KCNIP4: variants seen among roughly 807,000 people sequenced by gnomAD.
KCNIP4 encodes the protein potassium voltage-gated channel interacting protein 4.
KCNIP4 carries 12 observed loss-of-function variants against 34.0 expected under a neutral mutation model. The observed-to-expected ratio is 0.35, with a 90% CI of 0.23 to 0.57. KCNIP4 has a LOEUF of 0.57. Ranked by LOEUF, KCNIP4 falls within the 20% of genes least tolerant of loss-of-function variation. The probability of loss-of-function intolerance (pLI) is 0.83; values close to 1 mark genes in which losing one functional copy is unlikely to be tolerated. For synonymous variants in KCNIP4, 124 were observed against 102.2 expected (o/e 1.21, Z -1.29); for missense variants, 238 against 311.7 (o/e 0.76, Z 1.78).
At position 21,048,944 on chromosome 4, in the gene KCNIP4, C is replaced by CTTT. The variant is rs949548104; in HGVS notation, c.62-166238_62-166236dup. ...AGCTCTTTCAGTACCTTCTGTTTAT[C>CTTT]TTTTTTTTTTTTTTTTTTTTTTTTG... On this transcript the variant is annotated intron_variant, in intron 1 of 8. Transcript: ENST00000382152. 9.9e-3 allele frequency among the ~76,000 whole-genome samples: 955 copies of CTTT among 96,030 alleles called. 29 individuals carry two copies. Among genetic ancestry groups the CTTT allele is most frequent in the African/African-American group, 0.026 (623 of 23,768 alleles). The allele number at this position is 96,030 out of a possible 152,430, so 63.0% of individuals were successfully genotyped here.
Position 20,819,487 on chromosome 4 carries a change from C to G in KCNIP4, c.288+31056G>C, listed in dbSNP as rs11734471. The stretch of plus-strand genomic sequence containing the variant: ...GGGGTGGGCAGGGGGGATTTCGGAG[C>G]TATCTGAGACTTGGAATAATAAAAG... On this transcript the variant is annotated intron_variant, in intron 3 of 8. Transcript: ENST00000382152. Among the ~76,000 whole-genome samples, 11 of 151,866 alleles carry G rather than the reference C, an allele frequency of 7.2e-5. 2 individuals carry two copies. The East Asian group carries it at 2.1e-3, about 30-fold the overall frequency.
chr4:21,307,133 C>A (rs941701343), intron 1 of KCNIP4, among the ~76,000 whole-genome samples: 1 of 152,086 alleles, frequency 6.6e-6, no homozygotes, highest in Admixed American at 6.5e-5. Flanking sequence ...CCGTGCCGGG[C>A]CGGCAGGAAC....
intron 1 of KCNIP4, among the ~76,000 whole-genome samples, chr4:21,282,682 G>A (rs1762852842): frequency 6.6e-6 from 1 of 152,122 alleles, no homozygotes. Context: ...ATAAGAAGAT[G>A]CATATTTCTC....
At chr4:21,398,750 T>C (rs1241809006) in intron 1 of KCNIP4, among the ~76,000 whole-genome samples, 3 of 152,178 alleles carry the variant, frequency 2.0e-5, no homozygotes, top group African/African-American at 7.2e-5. Context: ...ACACTGGAAT[T>C]CCTCTCTCTC....
chr4:21,097,739 C>T (rs551903126), intron 1 of KCNIP4, among the ~76,000 whole-genome samples: 4 of 152,126 alleles, frequency 2.6e-5, no homozygotes, highest in South Asian at 4.1e-4. Flanking sequence ...CTTCCATATT[C>T]CCTGAGAAAA....
At chr4:20,926,419 C>G (rs2063011170) in intron 1 of KCNIP4, among the ~76,000 whole-genome samples, 1 of 152,160 alleles carries the variant, frequency 6.6e-6, no homozygotes, top group Non-Finnish European at 1.5e-5. Context: ...TGCTTGCCCA[C>G]CTTTCTGATT....
Position 21,614,093 on chromosome 4 carries a change from C to T in KCNIP4, c.61+334478G>A, listed in dbSNP as rs145490593. ...TCAAGAGATGGAGGTTGCAGTGAGC[C>T]GAGATGGTGGGGCTGCACTCCAGCC... On this transcript the variant is annotated intron_variant, in intron 1 of 8. Coordinates refer to ENST00000382152, the MANE Select transcript of KCNIP4 (RefSeq NM_025221.6). Among the ~76,000 whole-genome samples the T allele has an allele frequency of 7.3e-3, 1,094 of 150,750 alleles. 12 individuals are homozygous for T. Among genetic ancestry groups the T allele is most frequent in the African/African-American group, 0.025 (1,023 of 40,970 alleles).
intron 1 of KCNIP4, among the ~76,000 whole-genome samples, chr4:21,642,935 T>C (rs923180724): frequency 2.6e-5 from 4 of 152,018 alleles, no homozygotes; most frequent in Non-Finnish European, 5.9e-5. Flanking sequence ...CTATAACAAC[T>C]CAATTTGGGC....
chr4:21,399,865 C>T (rs545271040), intron 1 of KCNIP4, among the ~76,000 whole-genome samples: 21 of 152,198 alleles, frequency 1.4e-4, no homozygotes, highest in African/African-American at 3.9e-4. Context: ...TATTTCTAGA[C>T]GTGGAGCAGG....
intron 1 of KCNIP4, among the ~76,000 whole-genome samples, chr4:21,072,778 G>T (rs990897944): frequency 2.6e-5 from 4 of 152,016 alleles, no homozygotes; most frequent in Non-Finnish European, 5.9e-5. Context: ...TATGGTTTTG[G>T]GTCTAACATG....
At chr4:20,794,219 C>T (rs1578633814) in intron 3 of KCNIP4, among the ~76,000 whole-genome samples, 1 of 152,156 alleles carries the variant, frequency 6.6e-6, no homozygotes, top group African/African-American at 2.4e-5. Flanking sequence ...ACTGATACAC[C>T]TCACATGAGC....
At position 20,882,712 on chromosome 4, in the gene KCNIP4, A is replaced by G. The variant is rs367664588; in HGVS notation, c.62-3T>C. 9.3e-6 allele frequency: 15 copies of G among 1,610,620 alleles called. No individual in the cohort carries two copies. The African/African-American group carries it at 1.7e-4, about 19-fold the overall frequency. On this transcript the variant is annotated splice_region_variant and splice_polypyrimidine_tract_variant and intron_variant, in intron 1 of 8. Transcript: ENST00000382152. ...GCTGTTCTGAGCGTACAGGAAACCT[A>G]GAAGATACAGGATCAGTTCTGTTAA...
chr4:20,892,845 G>A (rs926853771), intron 1 of KCNIP4, among the ~76,000 whole-genome samples: 9 of 152,166 alleles, frequency 5.9e-5, no homozygotes, highest in Non-Finnish European at 1.2e-4. Context: ...CATGGAAAAG[G>A]CATCAATTTT....
chr4:21,898,637 T>A (rs868731929), intron 1 of KCNIP4, among the ~76,000 whole-genome samples: 3 of 152,260 alleles, frequency 2.0e-5, no homozygotes, highest in Middle Eastern at 6.8e-3. Flanking sequence ...TCAGCAATCA[T>A]ACCCAGGCAG....
chr4:21,356,529 AAC>A (rs1718621395), intron 1 of KCNIP4, among the ~76,000 whole-genome samples: 4 of 152,188 alleles, frequency 2.6e-5, no homozygotes, highest in Admixed American at 2.6e-4. Flanking sequence ...ATAACAGACA[AAC>A]ACAGAGCCAA....
chr4:20,985,653 TG>T (rs1023220138), intron 1 of KCNIP4, among the ~76,000 whole-genome samples: 2 of 152,116 alleles, frequency 1.3e-5, no homozygotes, highest in Non-Finnish European at 2.9e-5. Context: ...CTCTGTCTTT[TG>T]GGGGCTTATA....
At chr4:20,934,261 T>C (rs368811072) in intron 1 of KCNIP4, among the ~76,000 whole-genome samples, 1 of 152,130 alleles carries the variant, frequency 6.6e-6, no homozygotes, top group Non-Finnish European at 1.5e-5. Context: ...GCTCCTCCTA[T>C]ATTTTATCAA....
rs934514304 is a variant in KCNIP4, at chr4:21,587,007, C to T, written c.61+361564G>A. Among the ~76,000 whole-genome samples, 2 of 152,014 alleles carry T rather than the reference C, an allele frequency of 1.3e-5. 1 individual carries two copies. The highest frequency in any genetic ancestry group is 4.1e-4 in the South Asian group (2 of 4,828). On this transcript the variant is annotated intron_variant, in intron 1 of 8. Coordinates refer to ENST00000382152, the MANE Select transcript of KCNIP4 (RefSeq NM_025221.6). ...CTAGCCAGGAGTGAAATGGTGTTCA[C>T]TTATCAACAAAACTATCTTTGTTCT...
intron 1 of KCNIP4, among the ~76,000 whole-genome samples, chr4:21,414,695 T>C (rs1323499080): frequency 3.9e-5 from 6 of 152,184 alleles, no homozygotes; most frequent in African/African-American, 7.2e-5. Context: ...TGTCCATCAA[T>C]AGATGAATAG....
Sources: allele counts gnomAD v4.1 joint callset (sites outside exome capture counted in the v4.1 genomes callset), GRCh38; gene constraint gnomAD v4.1.1; transcripts MANE v1.5; gene names NCBI Gene and HGNC (gene_info 2026-07-23, HGNC 2026-07-21).